The following RANBP2 variants were observed in gnomAD, a reference collection of about 807,000 sequenced individuals.
The protein encoded by RANBP2 is E3 SUMO-protein ligase RanBP2.
In RANBP2, 57 loss-of-function variants were observed where a neutral mutation model predicts 303.6. The observed-to-expected ratio is 0.19, with a 90% CI of 0.15 to 0.23. The LOEUF is 0.23. RANBP2 is among the 10% of genes least tolerant of loss of function. The pLI, the probability that RANBP2 is intolerant of heterozygous loss-of-function variation, is 1.00. For synonymous variants in RANBP2, 1,167 were observed against 1,301.5 expected, an observed-to-expected ratio of 0.90 and a Z score of 2.23; for missense variants, 3,138 against 3,780.8, an observed-to-expected ratio of 0.83 and a Z score of 4.46.
the RANBP2 span, among the ~76,000 whole-genome samples, chr2:109,415,316 C>G: frequency 0.68 from 104,182 of 152,104 alleles, 36,722 homozygotes; most frequent in East Asian, 0.86. Context: ...AAGCACGTGG[C>G]CTGAGTTCAA....
the RANBP2 span, among the ~76,000 whole-genome samples, chr2:109,340,674 A>G: frequency 4.6e-5 from 7 of 152,116 alleles, no homozygotes; most frequent in African/African-American, 1.4e-4. Flanking sequence ...CATTGTTTTT[A>G]TAGCTCCTTT....
At chr2:108,907,774 G>T in the RANBP2 span, 1 of 1,506,244 alleles carries the variant, frequency 6.6e-7, no homozygotes, top group South Asian at 1.1e-5. Context: ...TCTTGCAGGA[G>T]AGCTGATTCA....
the RANBP2 span, among the ~76,000 whole-genome samples, chr2:109,535,443 C>T: frequency 7.2e-4 from 110 of 152,244 alleles, 1 homozygote; most frequent in Admixed American, 4.1e-3. Flanking sequence ...ACATTTGACA[C>T]GGGTAGGGCT....
the RANBP2 span, among the ~76,000 whole-genome samples, chr2:109,657,983 G>A: frequency 6.6e-6 from 1 of 151,856 alleles, no homozygotes; most frequent in African/African-American, 2.4e-5. Flanking sequence ...GCATCCCAAA[G>A]TGCTGGGATT....
chr2:109,190,670 T>C, the RANBP2 span, among the ~76,000 whole-genome samples: 2 of 152,326 alleles, frequency 1.3e-5, no homozygotes, highest in Admixed American at 1.3e-4. Context: ...CTACAGTCTA[T>C]GTGCATTTAA....
the RANBP2 span, among the ~76,000 whole-genome samples, chr2:109,517,210 T>G: frequency 6.6e-6 from 1 of 152,204 alleles, no homozygotes; most frequent in Non-Finnish European, 1.5e-5. Context: ...CTCTGGAAGC[T>G]GCTGTCCTCC....
the RANBP2 span, among the ~76,000 whole-genome samples, chr2:109,243,292 A>C: frequency 1.4e-4 from 21 of 152,372 alleles, no homozygotes; most frequent in Middle Eastern, 3.4e-3. Context: ...CGTACACCGC[A>C]TGGATCCTGA....
At chr2:109,677,276 G>A in the RANBP2 span, among the ~76,000 whole-genome samples, 1 of 152,112 alleles carries the variant, frequency 6.6e-6, no homozygotes, top group Non-Finnish European at 1.5e-5. Context: ...GACCCATTCA[G>A]ATCCCACCAC....
chr2:109,410,200 A>G, the RANBP2 span, among the ~76,000 whole-genome samples: 1 of 152,212 alleles, frequency 6.6e-6, no homozygotes, highest in Non-Finnish European at 1.5e-5. Context: ...GCCATTGCTG[A>G]CACCAGGCTT....
At chr2:109,135,673 G>T in the RANBP2 span, among the ~76,000 whole-genome samples, 45 of 151,982 alleles carry the variant, frequency 3.0e-4, no homozygotes, top group East Asian at 7.7e-4. Context: ...TGCATGGGGG[G>T]GTGTGTGTGT....
At chr2:108,982,183 G>A in the RANBP2 span, among the ~76,000 whole-genome samples, 1 of 152,222 alleles carries the variant, frequency 6.6e-6, no homozygotes. Context: ...AAGATCTAGA[G>A]CCCGTTGTCT....
chr2:109,163,986 A>G, the RANBP2 span, among the ~76,000 whole-genome samples: 10 of 152,146 alleles, frequency 6.6e-5, no homozygotes, highest in East Asian at 1.9e-3. Flanking sequence ...CCTTCCCCCT[A>G]CATCCTCTCC....
the RANBP2 span, among the ~76,000 whole-genome samples, chr2:109,566,740 G>A: frequency 1.3e-5 from 2 of 152,136 alleles, no homozygotes; most frequent in Non-Finnish European, 2.9e-5. Context: ...CAAGCAAAGT[G>A]GGAAGAAATG....
chr2:108,823,881 G>A, the RANBP2 span, among the ~76,000 whole-genome samples: 1 of 152,120 alleles, frequency 6.6e-6, no homozygotes, highest in African/African-American at 2.4e-5. Flanking sequence ...GGATGCTGAG[G>A]CAAGAGAATT....
the RANBP2 span, among the ~76,000 whole-genome samples, chr2:109,181,048 C>T: frequency 0.015 from 2,309 of 152,258 alleles, 71 homozygotes; most frequent in African/African-American, 0.052. Flanking sequence ...ATGGCCAGCC[C>T]GCTGTGCACA....
At chr2:109,423,140 C>T in the RANBP2 span, among the ~76,000 whole-genome samples, 1 of 152,102 alleles carries the variant, frequency 6.6e-6, no homozygotes, top group Non-Finnish European at 1.5e-5. Context: ...ACCCAGATGG[C>T]ACCTGAGGGA....
the RANBP2 span, among the ~76,000 whole-genome samples, chr2:109,013,744 T>C: frequency 2.6e-5 from 4 of 152,028 alleles, no homozygotes; most frequent in African/African-American, 9.7e-5. Context: ...CACCCCTGGC[T>C]AATTTTTGTA....
the RANBP2 span, among the ~76,000 whole-genome samples, chr2:109,294,774 G>T: frequency 6.6e-6 from 1 of 152,140 alleles, no homozygotes; most frequent in Non-Finnish European, 1.5e-5. Context: ...ACCCGAGTGG[G>T]AGGATGGCTC....
the RANBP2 span, chr2:109,130,028 C>T: frequency 4.9e-5 from 66 of 1,336,972 alleles, no homozygotes; most frequent in South Asian, 1.8e-4. Flanking sequence ...ACCCCGGGTT[C>T]CCCGGTTTTC....
Sources: gnomAD v4.1 joint callset for allele counts (sites outside exome capture counted in the v4.1 genomes callset) on GRCh38, gnomAD v4.1.1 for gene constraint, MANE v1.5 for transcripts, NCBI Gene and HGNC (gene_info 2026-07-23, HGNC 2026-07-21) for gene names.